HEATR3: variants seen among roughly 807,000 people sequenced by gnomAD.
HEATR3 encodes the protein HEAT repeat-containing protein 3.
A neutral mutation model predicts 72.8 loss-of-function variants in HEATR3; 56 were observed. The observed-to-expected ratio is 0.77, with a 90% CI of 0.62 to 0.96. The LOEUF (loss-of-function observed/expected upper bound fraction) is 0.96. Among genes scored for constraint, HEATR3 ranks in the 40% least tolerant of loss-of-function variants. The pLI is 0.00. For synonymous variants in HEATR3, 331 were observed against 318.1 expected (o/e 1.04, Z -0.43); for missense variants, 747 against 831.4 (o/e 0.90, Z 1.25).
At chr16:50,103,172 ATAGT>A (rs1567451109) in intron 14 of HEATR3, among the ~76,000 whole-genome samples, 4 of 152,356 alleles carry the variant, frequency 2.6e-5, no homozygotes, top group African/African-American at 7.2e-5. Context: ...AGATATATTA[ATAGT>A]TAGAGTCATC....
rs141384309 is a variant in HEATR3, at chr16:50,099,881, A to G, written c.1600-349A>G. Among the ~76,000 whole-genome samples, 337 of 152,368 alleles carry G rather than the reference A, an allele frequency of 2.2e-3. 4 individuals are homozygous for G. Among genetic ancestry groups the G allele is most frequent in the African/African-American group, 7.4e-3 (308 of 41,592 alleles). On this transcript the variant is annotated intron_variant, in intron 12 of 14. Coordinates refer to ENST00000299192, the MANE Select transcript of HEATR3 (RefSeq NM_182922.4). Reference sequence around the variant, plus strand: ...ACTCAGCCAATTTTTTTAAAACCACACAATCCTATTTATACTTTCAAAGCC... The same window carrying G: ...ACTCAGCCAATTTTTTTAAAACCACGCAATCCTATTTATACTTTCAAAGCC...
intron 3 of HEATR3, among the ~76,000 whole-genome samples, chr16:50,069,912 T>A (rs1434567920): frequency 6.6e-6 from 1 of 152,250 alleles, no homozygotes; most frequent in Non-Finnish European, 1.5e-5. Context: ...ATGCTTAGAA[T>A]AGTACTTTAG....
At chr16:50,069,750 G>T (rs766618318) in intron 3 of HEATR3, among the ~76,000 whole-genome samples, 2 of 152,196 alleles carry the variant, frequency 1.3e-5, no homozygotes, top group African/African-American at 4.8e-5. Context: ...AAATGCTAGG[G>T]CCTGAATCCC....
chr16:50,066,431 A>T lies in HEATR3; in HGVS notation c.203A>T (p.Gln68Leu), dbSNP rs904242883. ...ACAGLARLVQ[Q>L]RPALPGLARR... is the part of the protein sequence containing the mutation. ...GCAGGGCTGGCCCGGCTGGTGCAGCAGCGGCCGGCACTCCCGGGCCTGGCG... is the reference window on the plus strand; with the variant it reads ...GCAGGGCTGGCCCGGCTGGTGCAGCTGCGGCCGGCACTCCCGGGCCTGGCG... Residue 68 changes from glutamine (Q) to leucine (L), a missense_variant, in exon 2 of 15, where the codon CAG becomes CTG. By Grantham distance (113) the Gln-to-Leu change is moderately radical (BLOSUM62 -2). Coordinates refer to ENST00000299192, the MANE Select transcript of HEATR3 (RefSeq NM_182922.4). 2 of 1,466,228 alleles carry T rather than the reference A, an allele frequency of 1.4e-6. No individual in the cohort carries two copies. Among genetic ancestry groups the T allele is most frequent in the African/African-American group, 2.9e-5 (2 of 68,112 alleles). The allele number at this position is 1,466,228 out of a possible 1,614,324, so 90.8% of individuals were successfully genotyped here.
At chr16:50,067,299 G>A (rs2036519066) in intron 2 of HEATR3, among the ~76,000 whole-genome samples, 1 of 151,698 alleles carries the variant, frequency 6.6e-6, no homozygotes, top group African/African-American at 2.4e-5. Context: ...AGGCTGCAGT[G>A]AGCTATGATC....
Position 50,066,186 on chromosome 16 carries a change from G to C in HEATR3, c.55G>C (p.Asp19His). Residue 19 changes from aspartate (D) to histidine (H), a missense_variant, in exon 1 of 15, where the codon GAC becomes CAC. Asp to His is a moderately conservative substitution (Grantham distance 81). Transcript: ENST00000299192. ...FKRPQFSPTG[D>H]CQAEAAAAAN... Reference sequence around the variant, plus strand: ...GCGACCTCAGTTCTCCCCTACGGGCGACTGTCAGGCCGAGGCGGCTGCGGC... The same window carrying C: ...GCGACCTCAGTTCTCCCCTACGGGCCACTGTCAGGCCGAGGCGGCTGCGGC... The C allele has an allele frequency of 6.3e-7, 1 of 1,592,850 alleles. No individual in the cohort carries two copies. Among genetic ancestry groups the C allele is most frequent in the Non-Finnish European group, 8.5e-7 (1 of 1,171,174 alleles).
intron 13 of HEATR3, among the ~76,000 whole-genome samples, chr16:50,101,338 A>G (rs148249795): frequency 6.6e-6 from 1 of 151,422 alleles, no homozygotes; most frequent in Non-Finnish European, 1.5e-5. Context: ...CTGGTCTTGA[A>G]CTCCTGGGCT....
chr16:50,094,866 C>G (rs938535776), intron 12 of HEATR3, 73 bp downstream of exon 12: 1 of 769,578 alleles, frequency 1.3e-6, no homozygotes, highest in African/African-American at 1.8e-5. Flanking sequence ...CATTACTTCA[C>G]TATTTTAAAA....
At chr16:50,086,921 C>G (rs1241863048) in intron 11 of HEATR3, among the ~76,000 whole-genome samples, 1 of 152,134 alleles carries the variant, frequency 6.6e-6, no homozygotes, top group Non-Finnish European at 1.5e-5. Context: ...AAGAGCAAAA[C>G]TCCATCTCAA....
chr16:50,072,848 T>C (rs1292357996), intron 5 of HEATR3, 134 bp downstream of exon 5: 6 of 642,566 alleles, frequency 9.3e-6, no homozygotes, highest in Admixed American at 6.0e-5. Context: ...TCAGCACCTG[T>C]TTTTTCTGGG....
intron 9 of HEATR3, 108 bp from the exon 10 acceptor site, chr16:50,084,461 T>C: frequency 8.9e-7 from 1 of 1,121,118 alleles, no homozygotes; most frequent in South Asian, 1.4e-5. Flanking sequence ...GGTCATTCTA[T>C]ATGAAGCCTA....
intron 7 of HEATR3, among the ~76,000 whole-genome samples, chr16:50,081,276 C>T (rs546533590): frequency 5.9e-5 from 9 of 152,142 alleles, no homozygotes; most frequent in Non-Finnish European, 5.9e-5. Flanking sequence ...CCCATCTCTA[C>T]TAAAAATACA....
chr16:50,070,546 TA>T (rs1409550066), intron 4 of HEATR3, among the ~76,000 whole-genome samples: 1 of 151,900 alleles, frequency 6.6e-6, no homozygotes, highest in African/African-American at 2.4e-5. Context: ...CCAAAAATAT[TA>T]AAAAATTAGC....
chr16:50,070,322 A>G lies in HEATR3; in HGVS notation c.512+32A>G, dbSNP rs768034122. ...TGCCTACCAAACACAGTCTCCTGCT[A>G]TAGCAGTACCCAGGCTGCTATTCTC... On this transcript the variant is annotated intron_variant, in intron 4 of 14. Transcript: ENST00000299192. The G allele has an allele frequency of 8.1e-6, 9 of 1,106,936 alleles. No individual in the cohort carries two copies. In the African/African-American group the frequency reaches 9.2e-5, roughly 11 times the overall value. The allele number at this position is 1,106,936 out of a possible 1,614,324, so 68.6% of individuals were successfully genotyped here. A position where few individuals can be genotyped will look rare whatever the true frequency, so the allele number is the denominator to read the frequency against.
intron 12 of HEATR3, 39 bp from the exon 13 acceptor site, chr16:50,100,191 G>GT (rs1448826455): frequency 1.3e-6 from 2 of 1,586,404 alleles, no homozygotes; most frequent in Non-Finnish European, 1.7e-6. Flanking sequence ...AATTAATTGA[G>GT]TTTAACATTA....
intron 11 of HEATR3, among the ~76,000 whole-genome samples, chr16:50,091,826 A>C (rs2037118394): frequency 6.7e-6 from 1 of 149,634 alleles, no homozygotes; most frequent in African/African-American, 2.5e-5. Context: ...GTGAGCCAAG[A>C]TCGCACCACT....
At chr16:50,097,468 A>G (rs1013891176) in intron 12 of HEATR3, among the ~76,000 whole-genome samples, 1 of 149,374 alleles carries the variant, frequency 6.7e-6, no homozygotes, top group Non-Finnish European at 1.5e-5. Flanking sequence ...CATTATAGTC[A>G]TGCTTTTTGC....
At position 50,078,718 on chromosome 16, in the gene HEATR3, C is replaced by T. The variant is rs765762076; in HGVS notation, c.764-23C>T. The T allele has an allele frequency of 2.5e-6, 4 of 1,599,150 alleles. No homozygotes were observed. The Admixed American group carries it at 5.2e-5, about 21-fold the overall frequency. ...AAAATATTTCACAGGCATTTCTTAT[C>T]CTTATGCTTGTTTTTTTCCCAGGCA... On this transcript the variant is annotated intron_variant, in intron 6 of 14. Coordinates refer to ENST00000299192, the MANE Select transcript of HEATR3 (RefSeq NM_182922.4).
rs749700428 is a variant in HEATR3, at chr16:50,079,007, G to T, written c.1030G>T (p.Asp344Tyr). ...RRVRRKTFVS[D>Y]LLPPTDKELR... ...AGTCAGAAGGAAAACTTTCGTTTCA[G>T]ATTTACTTCCGGTAAGTCAGGTTGC... Residue 344 changes from aspartate to tyrosine, a missense_variant, in exon 7 of 15, where the codon GAT (aspartate) becomes TAT (tyrosine). Transcript: ENST00000299192. 3 of 1,611,340 alleles carry T rather than the reference G, an allele frequency of 1.9e-6. No homozygotes were observed. Among genetic ancestry groups the T allele is most frequent in the African/African-American group, 1.3e-5 (1 of 74,776 alleles).
Sources: allele counts gnomAD v4.1 joint callset (sites outside exome capture counted in the v4.1 genomes callset), GRCh38; gene constraint gnomAD v4.1.1; transcripts MANE v1.5; gene names NCBI Gene and HGNC (gene_info 2026-07-23, HGNC 2026-07-21).